PDZD8: variants seen among roughly 807,000 people sequenced by gnomAD.
The protein encoded by PDZD8 is PDZ domain containing 8, also known as PDZ domain-containing protein 8.
In PDZD8, 14 loss-of-function variants were observed where a neutral mutation model predicts 85.8. The ratio of observed to expected loss-of-function variants is 0.16; its 90% CI spans 0.11 to 0.26. PDZD8 has a LOEUF of 0.26. Ranked by LOEUF, PDZD8 falls within the 10% of genes least tolerant of loss-of-function variation. PDZD8 has a pLI of 1.00. For synonymous variants in PDZD8, 592 were observed against 568.6 expected (o/e 1.04, Z -0.59); for missense variants, 1,197 against 1,424.3 (o/e 0.84, Z 2.57).
intron 2 of PDZD8, among the ~76,000 whole-genome samples, chr10:117,333,565 A>G (rs888299809): frequency 7.9e-5 from 12 of 152,228 alleles, no homozygotes; most frequent in African/African-American, 2.4e-4. Context: ...CAAAATAACC[A>G]AACAAATTTA....
rs1843743954 is a variant in PDZD8 at position 117,295,646 on chromosome 10, A to C, written c.1099-5298T>G. 2.0e-5 allele frequency among the ~76,000 whole-genome samples: 3 copies of C among 152,206 alleles called. No individual in the cohort carries two copies. The South Asian group carries it at 6.2e-4, about 31-fold the overall frequency. ...TGTTCAAAAAGATACAAAATTTAAC[A>C]AAATTTTAGGAAATTCAACCCAGCA... On this transcript the variant is annotated intron_variant, in intron 3 of 4. Coordinates refer to ENST00000334464, the MANE Select transcript of PDZD8 (RefSeq NM_173791.5).
intron 3 of PDZD8, among the ~76,000 whole-genome samples, chr10:117,292,615 A>G (rs1844788861): frequency 6.6e-6 from 1 of 151,910 alleles, no homozygotes; most frequent in East Asian, 1.9e-4. Flanking sequence ...TTTTAAAAGT[A>G]GAATGGAGAT....
intron 1 of PDZD8, among the ~76,000 whole-genome samples, chr10:117,346,567 T>C (rs1844712784): frequency 6.8e-6 from 1 of 147,354 alleles, no homozygotes; most frequent in South Asian, 2.2e-4. Context: ...TTTCCTTTAA[T>C]AAAAAGCAGC....
intron 1 of PDZD8, among the ~76,000 whole-genome samples, chr10:117,371,104 C>T (rs1033710403): frequency 1.3e-5 from 2 of 152,166 alleles, no homozygotes; most frequent in African/African-American, 4.8e-5. Flanking sequence ...GAGAAGTATG[C>T]TATATCTTAG....
intron 4 of PDZD8, among the ~76,000 whole-genome samples, chr10:117,288,141 G>A (rs1433783794): frequency 1.3e-5 from 2 of 152,104 alleles, no homozygotes; most frequent in Admixed American, 6.5e-5. Context: ...AAAAGCTGAG[G>A]AAACAGTAAA....
rs937422942 is a variant in PDZD8 at position 117,282,902 on chromosome 10, A to G, written c.*366T>C. ...ATGAAAATATTTTAAGAATCTAGACAGTATTCTATTTAACACTAATTCAAA... is the reference window on the plus strand; with the variant it reads ...ATGAAAATATTTTAAGAATCTAGACGGTATTCTATTTAACACTAATTCAAA... On this transcript the variant is annotated 3_prime_UTR_variant, in exon 5 of 5. Coordinates refer to ENST00000334464, the MANE Select transcript of PDZD8 (RefSeq NM_173791.5). 8 of 178,136 alleles carry G rather than the reference A, an allele frequency of 4.5e-5. No homozygotes were observed. Among genetic ancestry groups the G allele is most frequent in the Admixed American group, 1.2e-4 (2 of 16,844 alleles). 11.0% of individuals were successfully genotyped at this position (178,136 alleles called of 1,614,324 possible).
intron 2 of PDZD8, among the ~76,000 whole-genome samples, chr10:117,334,974 G>GA (rs898380646): frequency 2.8e-4 from 42 of 148,210 alleles, no homozygotes; most frequent in Admixed American, 4.7e-4. Flanking sequence ...AAAACAATTG[G>GA]AAAAAAAAAA....
chr10:117,330,495 C>T (rs746599539), intron 2 of PDZD8, among the ~76,000 whole-genome samples: 1 of 152,194 alleles, frequency 6.6e-6, no homozygotes, highest in African/African-American at 2.4e-5. Flanking sequence ...CTGAGCAGAT[C>T]AACGTCAATG....
chr10:117,348,184 G>C (rs1327654535), intron 1 of PDZD8, among the ~76,000 whole-genome samples: 1 of 152,160 alleles, frequency 6.6e-6, no homozygotes, highest in African/African-American at 2.4e-5. Flanking sequence ...TCACTGCTTT[G>C]ATGTATAACT....
chr10:117,341,250 C>T, intron 1 of PDZD8, 148 bp from the exon 2 acceptor site: 3 of 817,600 alleles, frequency 3.7e-6, no homozygotes, highest in Middle Eastern at 3.6e-4. Flanking sequence ...CACACTCCCC[C>T]ATAACTGGCA....
intron 1 of PDZD8, among the ~76,000 whole-genome samples, chr10:117,368,448 C>T (rs1219700174): frequency 6.6e-6 from 1 of 152,074 alleles, no homozygotes; most frequent in Non-Finnish European, 1.5e-5. Context: ...TTATAACCAT[C>T]AAGGAATTTT....
chr10:117,284,454 G>A lies in PDZD8; in HGVS notation c.2279C>T (p.Pro760Leu), dbSNP rs761042626. ...EYLSKLRLEA[P>L]SPKAIVTRTA... The stretch of plus-strand genomic sequence containing the variant: ...TCTAGTGACTATAGCCTTAGGTGAG[G>A]GGGCTTCCAGTCTCAATTTGGAAAG... The change falls in exon 5 of 5, where the codon CCC becomes CTC. Residue 760 changes from proline to leucine, a missense_variant. By Grantham distance (98) the Pro-to-Leu change is moderately conservative. Around this residue, in one of 4 missense-constraint regions of PDZD8, gnomAD observed 418 missense variants for 571.1 expected, o/e 0.73. Transcript: ENST00000334464. 9 of 1,614,092 alleles carry A rather than the reference G, an allele frequency of 5.6e-6. No homozygotes were observed. Among genetic ancestry groups the A allele is most frequent in the South Asian group, 1.1e-5 (1 of 91,068 alleles).
intron 1 of PDZD8, among the ~76,000 whole-genome samples, chr10:117,348,976 G>T (rs1316438155): frequency 1.3e-5 from 2 of 152,172 alleles, no homozygotes; most frequent in Non-Finnish European, 2.9e-5. Flanking sequence ...ACAATAACAT[G>T]GTATGGCAAG....
chr10:117,302,562 G>T (rs1246488055), intron 3 of PDZD8, among the ~76,000 whole-genome samples: 1 of 152,156 alleles, frequency 6.6e-6, no homozygotes, highest in Non-Finnish European at 1.5e-5. Flanking sequence ...AAATGGAAAA[G>T]AATCTCTCAA....
At chr10:117,322,422 T>C (rs1299600658) in intron 2 of PDZD8, among the ~76,000 whole-genome samples, 1 of 152,136 alleles carries the variant, frequency 6.6e-6, no homozygotes, top group African/African-American at 2.4e-5. Context: ...TGCCCTGAGT[T>C]CCCTGATCTC....
chr10:117,319,276 T>C (rs1844184041), intron 2 of PDZD8, among the ~76,000 whole-genome samples: 1 of 152,012 alleles, frequency 6.6e-6, no homozygotes, highest in African/African-American at 2.4e-5. Context: ...GCAAGAGCTA[T>C]ACATCTTCAA....
chr10:117,345,626 A>G (rs949132303), intron 1 of PDZD8, among the ~76,000 whole-genome samples: 4 of 152,034 alleles, frequency 2.6e-5, no homozygotes, highest in Non-Finnish European at 5.9e-5. Flanking sequence ...CTGGTTTCCA[A>G]GAAAAAGTTA....
chr10:117,374,583 G>A lies in PDZD8; in HGVS notation c.645C>T (p.Ser215=), dbSNP rs1397675192. ...GGGACAGCTTGACAAACAAGTAGGC[G>A]GACTTGCCGAAGACCAGGTCCACGT... ...AIDVDLVFGK[S]AYLFVKLSRV... is the part of the protein sequence containing the mutation. Residue 215 remains serine (S), a synonymous_variant, in exon 1 of 5, where the codon TCC becomes TCT. Coordinates refer to ENST00000334464, the MANE Select transcript of PDZD8 (RefSeq NM_173791.5). This position sits in a 1 kb window ranked among gnomAD's most constrained non-coding sequence, Gnocchi z 7.8. 2.5e-6 allele frequency: 4 copies of A among 1,594,220 alleles called. No individual in the cohort carries two copies. The highest frequency in any genetic ancestry group is 3.4e-6 in the Non-Finnish European group (4 of 1,170,012).
rs759017207 is a variant in PDZD8 at position 117,285,348 on chromosome 10, A to G, written c.1385T>C (p.Phe462Ser). Reference protein sequence around the residue: ...SNQGAVLQDNFGQLEENFLSS... With the variant: ...SNQGAVLQDNSGQLEENFLSS... ...CAAAAAGTTTTCTTCCAACTGGCCA[A>G]AGTTATCTTGCAGCACTGCACCTTG... The change falls in exon 5 of 5, where the codon TTT (phenylalanine) becomes TCT (serine). Residue 462 changes from phenylalanine to serine, a missense_variant. This residue lies in a region of PDZD8 where 263 missense variants were observed against 261.9 expected (regional missense o/e 1.00). Coordinates refer to ENST00000334464, the MANE Select transcript of PDZD8 (RefSeq NM_173791.5). 1.9e-6 allele frequency: 3 copies of G among 1,614,030 alleles called. No individual in the cohort carries two copies. In the Admixed American group the frequency reaches 5.0e-5, roughly 27 times the overall value.
Sources: gnomAD v4.1 joint callset for allele counts (sites outside exome capture counted in the v4.1 genomes callset) on GRCh38, gnomAD v4.1.1 for gene constraint, gnomAD v4.1.1 regional missense constraint, Gnocchi (gnomAD v3.1) non-coding constraint, MANE v1.5 for transcripts, NCBI Gene and HGNC (gene_info 2026-07-23, HGNC 2026-07-21) for gene names.